Variants in GLIS3 observed in about 807,000 individuals in gnomAD.
GLIS3 encodes zinc finger protein GLIS3.
Under a neutral mutation model 78.6 loss-of-function variants are expected in GLIS3, and 53 were observed. The ratio of observed to expected loss-of-function variants is 0.67; its 90% confidence interval spans 0.54 to 0.85. The LOEUF (loss-of-function observed/expected upper bound fraction) is 0.85, where lower values mean the gene tolerates loss of function less well. Among genes scored for constraint, GLIS3 ranks in the 40% least tolerant of loss-of-function variants. The pLI is 0.00. For missense variants in GLIS3, 1,703 were observed against 1,231.1 expected (o/e 1.38, Z -5.74); for synonymous variants, 684 against 509.9 (o/e 1.34, Z -4.60).
chr9:3,931,450 C>G (rs1204836942), intron 6 of GLIS3, among the ~76,000 whole-genome samples: 1 of 152,178 alleles, frequency 6.6e-6, no homozygotes, highest in Non-Finnish European at 1.5e-5. Flanking sequence ...GAGTCTCAAA[C>G]TGCCCTTAAA....
chr9:4,043,472 T>C (rs553811216), intron 4 of GLIS3, among the ~76,000 whole-genome samples: 44 of 152,080 alleles, frequency 2.9e-4, no homozygotes, highest in Admixed American at 1.9e-3. Flanking sequence ...TTGGGGTGAC[T>C]GGCAGGCTGA....
At chr9:4,254,682 A>T (rs962022877) in intron 2 of GLIS3, among the ~76,000 whole-genome samples, 1 of 152,078 alleles carries the variant, frequency 6.6e-6, no homozygotes, top group Non-Finnish European at 1.5e-5. Context: ...TCTACTAAAA[A>T]TACAAAAATT....
chr9:4,063,413 G>A (rs371688892), intron 4 of GLIS3, among the ~76,000 whole-genome samples: 2 of 152,010 alleles, frequency 1.3e-5, no homozygotes, highest in Non-Finnish European at 2.9e-5. Flanking sequence ...CACCAAGAGT[G>A]GCTTACCCTA....
At chr9:3,879,695 T>C in intron 7 of GLIS3, 100 bp from the exon 8 acceptor site, 1 of 1,241,374 alleles carries the variant, frequency 8.1e-7, no homozygotes, top group South Asian at 1.3e-5. Context: ...GGGGCTTGCT[T>C]GTTTTTCTCT....
chr9:4,458,835 G>C, the GLIS3 span, among the ~76,000 whole-genome samples: 1 of 152,110 alleles, frequency 6.6e-6, no homozygotes, highest in Non-Finnish European at 1.5e-5. Context: ...GAAGTAATAA[G>C]TATATTTGAT....
chr9:3,854,465 A>G (rs1325959232), intron 9 of GLIS3, among the ~76,000 whole-genome samples: 7 of 152,120 alleles, frequency 4.6e-5, no homozygotes, highest in African/African-American at 1.7e-4. Context: ...CTGGTTTTTC[A>G]AGGTCTCTTC....
chr9:4,375,980 A>T, the GLIS3 span, among the ~76,000 whole-genome samples: 3,808 of 152,246 alleles, frequency 0.025, 158 homozygotes, highest in African/African-American at 0.086. Flanking sequence ...TCATCTGTAA[A>T]AGAAAGTGAG....
intron 2 of GLIS3, among the ~76,000 whole-genome samples, chr9:4,322,827 G>A (rs1000997666): frequency 2.0e-5 from 3 of 152,138 alleles, no homozygotes; most frequent in South Asian, 2.1e-4. Flanking sequence ...TGTCAGATGG[G>A]TAGATTGCAA....
At chr9:4,223,209 C>T (rs1032965753) in intron 2 of GLIS3, among the ~76,000 whole-genome samples, 4 of 152,224 alleles carry the variant, frequency 2.6e-5, no homozygotes, top group Admixed American at 6.5e-5. Flanking sequence ...ACTGCCTCTT[C>T]TTCCTCTCCA....
At chr9:4,208,604 T>G (rs1472372422) in intron 2 of GLIS3, among the ~76,000 whole-genome samples, 1 of 152,226 alleles carries the variant, frequency 6.6e-6, no homozygotes, top group Non-Finnish European at 1.5e-5. Context: ...TTTAACCATG[T>G]CCTGTGCTCT....
At chr9:4,436,119 CT>C in the GLIS3 span, among the ~76,000 whole-genome samples, 3 of 152,106 alleles carry the variant, frequency 2.0e-5, no homozygotes, top group African/African-American at 7.2e-5. Flanking sequence ...TTGCTATATC[CT>C]TGGACTCAAC....
intron 1 of GLIS3, among the ~76,000 whole-genome samples, chr9:4,297,069 TAAAAG>T (rs1034806780): frequency 1.1e-4 from 16 of 146,932 alleles, no homozygotes; most frequent in African/African-American, 2.8e-4. Context: ...TAGGAGGAGA[TAAAAG>T]AGAAGAAGTA....
intron 2 of GLIS3, among the ~76,000 whole-genome samples, chr9:4,226,688 C>G (rs1366009848): frequency 6.6e-6 from 1 of 152,214 alleles, no homozygotes; most frequent in East Asian, 1.9e-4. Flanking sequence ...GCTGGCTACT[C>G]CTTATCTGTG....
chr9:4,026,672 T>A (rs967727654), intron 4 of GLIS3, among the ~76,000 whole-genome samples: 1 of 152,318 alleles, frequency 6.6e-6, no homozygotes, highest in East Asian at 1.9e-4. Context: ...ACCTAACTAG[T>A]AGATATTTTG....
At chr9:4,167,418 AGATTTTCTGCTAAGT>A (rs1815961989) in intron 2 of GLIS3, among the ~76,000 whole-genome samples, 1 of 152,190 alleles carries the variant, frequency 6.6e-6, no homozygotes, top group South Asian at 2.1e-4. Flanking sequence ...ACTATGTGCC[AGATTTTCTGCTAAGT>A]GATTTCACAT....
rs1563847797 is a variant in GLIS3, at chr9:3,917,720, A to G, written c.1983+14640T>C. On this transcript the variant is annotated intron_variant, in intron 6 of 10. Transcript: ENST00000381971. ...GAAACGACCTCACCCAGGTCCAAGTATACTCTATTTCTGACTTCTTTCAAC... is the reference window on the plus strand; with the variant it reads ...GAAACGACCTCACCCAGGTCCAAGTGTACTCTATTTCTGACTTCTTTCAAC... Among the ~76,000 whole-genome samples, 3 of 152,016 alleles carry G rather than the reference A, an allele frequency of 2.0e-5. No homozygotes were observed. In the South Asian group the frequency reaches 6.2e-4, roughly 32 times the overall value.
At chr9:3,875,067 C>T (rs539336456) in intron 8 of GLIS3, among the ~76,000 whole-genome samples, 1 of 152,176 alleles carries the variant, frequency 6.6e-6, no homozygotes, top group African/African-American at 2.4e-5. Context: ...AAAAGAGACT[C>T]CCATCAATAT....
At chr9:4,319,974 T>C (rs1318381543) in intron 2 of GLIS3, among the ~76,000 whole-genome samples, 3 of 148,310 alleles carry the variant, frequency 2.0e-5, no homozygotes, top group African/African-American at 5.0e-5. Context: ...AGTAGGTTAG[T>C]AGAGGGGGTT....
intron 4 of GLIS3, among the ~76,000 whole-genome samples, chr9:3,990,478 C>A (rs893128712): frequency 6.6e-6 from 1 of 152,190 alleles, no homozygotes; most frequent in African/African-American, 2.4e-5. Flanking sequence ...GAATGAGGAA[C>A]AAACTCACCT....
Sources: allele counts gnomAD v4.1 joint callset (sites outside exome capture counted in the v4.1 genomes callset), GRCh38; gene constraint gnomAD v4.1.1; transcripts MANE v1.5; gene names NCBI Gene and HGNC (gene_info 2026-07-23, HGNC 2026-07-21).